The following SH3D19 variants were observed in gnomAD, a reference collection of about 807,000 sequenced individuals.
The protein encoded by SH3D19 is SH3 domain containing 19, also known as SH3 domain-containing protein 19.
A neutral mutation model predicts 112.1 loss-of-function variants in SH3D19; 58 were observed. The ratio of observed to expected loss-of-function variants is 0.52; its 90% CI spans 0.42 to 0.64. The LOEUF is 0.64. Among genes scored for constraint, SH3D19 ranks in the 30% least tolerant of loss-of-function variants. The pLI, the probability that SH3D19 is intolerant of heterozygous loss-of-function variation, is 0.00. For synonymous variants in SH3D19, 391 were observed against 448.5 expected (o/e 0.87, Z 1.62); for missense variants, 1,090 against 1,263.4 (o/e 0.86, Z 2.08).
At chr4:151,234,735 G>GTTTGTTT (rs1561387745) in intron 1 of SH3D19, among the ~76,000 whole-genome samples, 3 of 25,078 alleles carry the variant, frequency 1.2e-4, no homozygotes, top group African/African-American at 2.8e-4. Context: ...CCAAGTTTGT[G>GTTTGTTT]TTTTTTTTTT....
At chr4:151,172,308 G>T (rs545032807) in intron 7 of SH3D19, among the ~76,000 whole-genome samples, 1 of 152,262 alleles carries the variant, frequency 6.6e-6, no homozygotes, top group Admixed American at 6.5e-5. Context: ...TGATCCTGAA[G>T]GCCTTTGGAG....
intron 9 of SH3D19, among the ~76,000 whole-genome samples, chr4:151,157,094 T>C (rs1756254388): frequency 6.6e-6 from 1 of 151,744 alleles, no homozygotes; most frequent in African/African-American, 2.4e-5. Flanking sequence ...CTACAAAAAA[T>C]ACAAAAAATT....
At chr4:151,320,168 A>T (rs117495899) in intron 1 of SH3D19, among the ~76,000 whole-genome samples, 1 of 152,230 alleles carries the variant, frequency 6.6e-6, no homozygotes, top group Non-Finnish European at 1.5e-5. Context: ...AACAGACAAC[A>T]GTTATATCAG....
chr4:151,150,322 C>CATAT (rs368581545), intron 9 of SH3D19, among the ~76,000 whole-genome samples: 1,523 of 123,752 alleles, frequency 0.012, 30 homozygotes, highest in African/African-American at 0.042. Flanking sequence ...TATATATATA[C>CATAT]ATATATATAT....
chr4:151,281,190 A>G (rs891042065), intron 1 of SH3D19, among the ~76,000 whole-genome samples: 3 of 152,342 alleles, frequency 2.0e-5, no homozygotes, highest in Non-Finnish European at 2.9e-5. Context: ...AGAATGCCTG[A>G]CAAGTTTGAA....
chr4:151,138,918 C>T (rs570161602), intron 13 of SH3D19, among the ~76,000 whole-genome samples: 3 of 152,106 alleles, frequency 2.0e-5, no homozygotes, highest in South Asian at 2.1e-4. Context: ...ACCTCTGCCT[C>T]CCAGGTTCAA....
At position 151,174,780 on chromosome 4, in the gene SH3D19, A is replaced by C; in HGVS notation, c.1424T>G (p.Leu475Arg). 5 of 1,548,906 alleles carry C rather than the reference A, an allele frequency of 3.2e-6. No homozygotes were observed. The highest frequency in any genetic ancestry group is 4.3e-6 in the Non-Finnish European group (5 of 1,151,218). Reference sequence around the variant, plus strand: ...GATGTCCACCAAGGGCTTGCTCTGCAGAACTGGAACTGGGGGGTTGGCTGG... The same window carrying C: ...GATGTCCACCAAGGGCTTGCTCTGCCGAACTGGAACTGGGGGGTTGGCTGG... ...GPPANPPVPV[L>R]QSKPLVDIDL... is the part of the protein sequence containing the mutation. The change falls in exon 7 of 20, where the codon CTG becomes CGG. Residue 475 changes from leucine (L) to arginine (R), a missense_variant. By Grantham distance (102) the Leu-to-Arg change is moderately radical (BLOSUM62 -2). Transcript: ENST00000604030.
At chr4:151,143,718 G>A (rs899967238) in intron 12 of SH3D19, among the ~76,000 whole-genome samples, 192 bp downstream of exon 12, 14 of 151,812 alleles carry the variant, frequency 9.2e-5, no homozygotes, top group African/African-American at 2.9e-4. Context: ...ACTCTGTATC[G>A]AAGTGATTAG....
intron 1 of SH3D19, among the ~76,000 whole-genome samples, chr4:151,315,016 T>C (rs1169604661): frequency 6.6e-6 from 1 of 152,140 alleles, no homozygotes; most frequent in Non-Finnish European, 1.5e-5. Context: ...CTGGAAGAAG[T>C]AGCTTCATAG....
intron 1 of SH3D19, among the ~76,000 whole-genome samples, chr4:151,253,928 G>A (rs1771606176): frequency 1.3e-5 from 2 of 152,212 alleles, no homozygotes; most frequent in Non-Finnish European, 2.9e-5. Flanking sequence ...AACAAATGAG[G>A]TTTCCTGGAC....
At position 151,149,355 on chromosome 4, in the gene SH3D19, G is replaced by A. The variant is rs556799931; in HGVS notation, c.1817+145C>T. The A allele has an allele frequency of 1.9e-5, 11 of 588,298 alleles. No individual in the cohort carries two copies. The South Asian group carries it at 2.2e-4, about 12-fold the overall frequency. The allele number at this position is 588,298 out of a possible 1,614,324, so 36.4% of individuals were successfully genotyped here. A position where few individuals can be genotyped will look rare whatever the true frequency, so the allele number is the denominator to read the frequency against. ...CACAACCTACCATTAGGAGCAGACA[G>A]TGGATTAGGGGCCTGCGTGAAATCG... On this transcript the variant is annotated intron_variant, in intron 10 of 19. Transcript: ENST00000604030.
Position 151,275,901 on chromosome 4 carries a change from G to A in SH3D19, c.112+49340C>T, listed in dbSNP as rs183111111. On this transcript the variant is annotated intron_variant, in intron 1 of 19. Coordinates refer to ENST00000604030, the MANE Select transcript of SH3D19 (RefSeq NM_001378122.1). Reference sequence around the variant, plus strand: ...TCTGTCGCCCAGGCTGGAGTGCAGTGGCGCCATCTTGGCTCACTGCAACCT... The same window carrying A: ...TCTGTCGCCCAGGCTGGAGTGCAGTAGCGCCATCTTGGCTCACTGCAACCT... 2.3e-3 allele frequency among the ~76,000 whole-genome samples: 337 copies of A among 145,154 alleles called. 2 individuals carry two copies. Among genetic ancestry groups the A allele is most frequent in the African/African-American group, 7.3e-3 (288 of 39,578 alleles).
At chr4:151,215,168 T>G (rs913660686) in intron 2 of SH3D19, among the ~76,000 whole-genome samples, 3 of 152,214 alleles carry the variant, frequency 2.0e-5, no homozygotes, top group Middle Eastern at 3.2e-3. Flanking sequence ...GCAATCCTCC[T>G]GCCTTGGCCT....
chr4:151,135,421 A>ATTTTTTTTTTTTTTTTTTTTTTTTTTT (rs34291277), intron 14 of SH3D19, among the ~76,000 whole-genome samples: 1 of 87,464 alleles, frequency 1.1e-5, no homozygotes. Context: ...TCTCTATCTC[A>ATTTTTTTTTTTTTTTTTTTTTTTTTTT]TTTTTTTTTT....
At chr4:151,288,756 T>C (rs990130929) in intron 1 of SH3D19, among the ~76,000 whole-genome samples, 3 of 152,046 alleles carry the variant, frequency 2.0e-5, no homozygotes, top group Non-Finnish European at 4.4e-5. Flanking sequence ...AAGAAAACAA[T>C]ATTCCATTTA....
chr4:151,154,676 A>C (rs1755745425), intron 9 of SH3D19, among the ~76,000 whole-genome samples: 1 of 151,836 alleles, frequency 6.6e-6, no homozygotes, highest in Non-Finnish European at 1.5e-5. Context: ...TCCCGGGTTC[A>C]AGCAATTTTC....
At chr4:151,179,204 A>G (rs1350878151) in intron 4 of SH3D19, among the ~76,000 whole-genome samples, 151 bp downstream of exon 4, 1 of 152,238 alleles carries the variant, frequency 6.6e-6, no homozygotes, top group Non-Finnish European at 1.5e-5. Context: ...TCATCTTTCA[A>G]ACTTATAAGT....
chr4:151,315,266 A>C (rs1729878980), intron 1 of SH3D19, among the ~76,000 whole-genome samples: 2 of 152,202 alleles, frequency 1.3e-5, no homozygotes, highest in Admixed American at 1.3e-4. Context: ...AGAAAAACAC[A>C]CTGAAAACAA....
intron 8 of SH3D19, among the ~76,000 whole-genome samples, chr4:151,159,730 C>G (rs1472815538): frequency 6.6e-6 from 1 of 152,140 alleles, no homozygotes; most frequent in African/African-American, 2.4e-5. Flanking sequence ...AGTCTTAAAT[C>G]TTAATTAATT....
Sources: allele counts gnomAD v4.1 joint callset (sites outside exome capture counted in the v4.1 genomes callset), GRCh38; gene constraint gnomAD v4.1.1; transcripts MANE v1.5; gene names NCBI Gene and HGNC (gene_info 2026-07-23, HGNC 2026-07-21).